Variants in NOL10 observed in about 807,000 individuals in gnomAD.
The protein encoded by NOL10 is nucleolar protein 10.
A neutral mutation model predicts 103.5 loss-of-function variants in NOL10; 58 were observed. That is an observed-to-expected ratio of 0.56 (90% CI 0.45 to 0.70). The LOEUF (loss-of-function observed/expected upper bound fraction) is 0.70. NOL10 is among the 30% of genes least tolerant of loss of function. The probability of loss-of-function intolerance (pLI) is 0.00; values close to 1 mark genes in which losing one functional copy is unlikely to be tolerated. For synonymous variants in NOL10, 287 were observed against 282.5 expected, an observed-to-expected ratio of 1.02 and a Z score of -0.16; for missense variants, 763 against 807.3, an observed-to-expected ratio of 0.95 and a Z score of 0.67.
chr2:10,637,748 G>A (rs942969356), intron 13 of NOL10, among the ~76,000 whole-genome samples: 1 of 152,198 alleles, frequency 6.6e-6, no homozygotes, highest in East Asian at 1.9e-4. Context: ...CGAAGACAGA[G>A]TTTTGTGGGT....
intron 3 of NOL10, among the ~76,000 whole-genome samples, chr2:10,677,090 C>T (rs879899549): frequency 2.0e-5 from 3 of 151,904 alleles, no homozygotes; most frequent in African/African-American, 7.3e-5. Flanking sequence ...AGGTGCCTGC[C>T]GCCACATCTG....
intron 14 of NOL10, among the ~76,000 whole-genome samples, chr2:10,603,689 A>C (rs1240919223): frequency 2.6e-5 from 4 of 152,216 alleles, no homozygotes; most frequent in African/African-American, 9.6e-5. Context: ...TGCACTCCTC[A>C]TCAGGGACTA....
chr2:10,685,649 C>T (rs1682145133), intron 1 of NOL10, among the ~76,000 whole-genome samples: 1 of 151,962 alleles, frequency 6.6e-6, no homozygotes, highest in Admixed American at 6.6e-5. Context: ...ATCGTAGCCC[C>T]AAGTCAAAAG....
At chr2:10,604,251 T>C (rs1221740347) in intron 14 of NOL10, among the ~76,000 whole-genome samples, 1 of 152,144 alleles carries the variant, frequency 6.6e-6, no homozygotes, top group African/African-American at 2.4e-5. Flanking sequence ...GGCCCAGGGG[T>C]TGGGGACCCC....
chr2:10,659,250 C>T lies in NOL10; in HGVS notation c.678G>A (p.Glu226=). ...CAGAGATTGTTGGTAAACTGTTTATCCTGAAAAGCAAAATATTCATGCTTC... is the reference window on the plus strand; with the variant it reads ...CAGAGATTGTTGGTAAACTGTTTATTCTGAAAAGCAAAATATTCATGCTTC... The part of the protein sequence containing the change: ...CALNSVTADS[E]INSLPTISAL... Residue 226 remains glutamate, a splice_region_variant and synonymous_variant, in exon 10 of 21, where the codon GAG becomes GAA. Transcript: ENST00000381685. The T allele has an allele frequency of 6.4e-7, 1 of 1,570,550 alleles. No homozygotes were observed. Among genetic ancestry groups the T allele is most frequent in the Middle Eastern group, 1.7e-4 (1 of 5,950 alleles).
chr2:10,587,056 C>CAT lies in NOL10; in HGVS notation c.1844+1985_1844+1986dup, dbSNP rs200196813. On this transcript the variant is annotated intron_variant, in intron 19 of 20. Coordinates refer to ENST00000381685, the MANE Select transcript of NOL10 (RefSeq NM_024894.4). ...AAAAAGTTAAATGTATATATATATA[C>CAT]ATATATATATACATATATATACATA... Among the ~76,000 whole-genome samples the CAT allele has an allele frequency of 3.5e-4, 19 of 54,668 alleles. 6 individuals are homozygous for CAT. Among genetic ancestry groups the CAT allele is most frequent in the African/African-American group, 9.1e-4 (10 of 10,946 alleles). 35.9% of individuals were successfully genotyped at this position (54,668 alleles called of 152,430 possible). A position where few individuals can be genotyped will look rare whatever the true frequency, so the allele number is the denominator to read the frequency against.
chr2:10,617,983 C>T (rs559831524), intron 13 of NOL10, among the ~76,000 whole-genome samples: 68 of 150,702 alleles, frequency 4.5e-4, no homozygotes, highest in South Asian at 1.9e-3. Flanking sequence ...TGTGACACAA[C>T]GTCATGGAAT....
chr2:10,607,172 A>ATTT lies in NOL10; in HGVS notation c.1153+10_1153+12dup. 7.4e-7 allele frequency: 1 copy of ATTT among 1,351,566 alleles called. No individual in the cohort carries two copies. Among genetic ancestry groups the ATTT allele is most frequent in the South Asian group, 1.4e-5 (1 of 69,658 alleles). The allele number at this position is 1,351,566 out of a possible 1,614,324, so 83.7% of individuals were successfully genotyped here. The stretch of plus-strand genomic sequence containing the variant: ...AGTAATTACATAATATTTCATCACA[A>ATTT]TTTTTTTTTTACCTAAATTTTCAAG... On this transcript the variant is annotated intron_variant, in intron 14 of 20. Transcript: ENST00000381685.
At chr2:10,596,817 T>G (rs1167550796) in intron 17 of NOL10, among the ~76,000 whole-genome samples, 1 of 152,058 alleles carries the variant, frequency 6.6e-6, no homozygotes, top group Non-Finnish European at 1.5e-5. Flanking sequence ...CAAAAAAGAC[T>G]AACATACAAA....
At position 10,671,514 on chromosome 2, in the gene NOL10, T is replaced by A. The variant is rs371604535; in HGVS notation, c.464+40A>T. 9.0e-6 allele frequency: 13 copies of A among 1,449,470 alleles called. No homozygotes were observed. The African/African-American group carries it at 1.5e-4, about 16-fold the overall frequency. The allele number at this position is 1,449,470 out of a possible 1,614,324, so 89.8% of individuals were successfully genotyped here. On this transcript the variant is annotated intron_variant, in intron 6 of 20. Coordinates refer to ENST00000381685, the MANE Select transcript of NOL10 (RefSeq NM_024894.4). The stretch of plus-strand genomic sequence containing the variant: ...AATTTAGGAACAGAAGTTGGTTGTT[T>A]TAGGAGGTGAAAAGGAGAAAAAGGG...
intron 6 of NOL10, 141 bp downstream of exon 6, chr2:10,671,409 CTTTT>C (rs5829273): frequency 1.8e-3 from 817 of 456,862 alleles, no homozygotes; most frequent in South Asian, 2.1e-3. Flanking sequence ...GTTTTCTTTT[CTTTT>C]TTTTTTTTTT....
intron 19 of NOL10, among the ~76,000 whole-genome samples, chr2:10,578,202 C>T (rs1475375093): frequency 6.6e-6 from 1 of 152,176 alleles, no homozygotes; most frequent in Non-Finnish European, 1.5e-5. Flanking sequence ...CAAATTAAGT[C>T]CTCCAGGTCA....
chr2:10,576,850 G>A (rs916433665), intron 20 of NOL10, among the ~76,000 whole-genome samples: 2 of 152,048 alleles, frequency 1.3e-5, no homozygotes, highest in Admixed American at 6.6e-5. Flanking sequence ...TTAAAAGGAT[G>A]CATATGGTCT....
Position 10,689,930 on chromosome 2 carries a change from G to A in NOL10, c.-69C>T, listed in dbSNP as rs1682519999. ...GCGTGCTCGAGCACCGTAATCCCGG[G>A]ACCTCCGAGCCCCTGCTCCGCGGCG... is the stretch of plus-strand genomic sequence containing the variant. On this transcript the variant is annotated 5_prime_UTR_variant, in exon 1 of 21. Coordinates refer to ENST00000381685, the MANE Select transcript of NOL10 (RefSeq NM_024894.4). 17 of 1,457,594 alleles carry A rather than the reference G, an allele frequency of 1.2e-5. No homozygotes were observed. The highest frequency in any genetic ancestry group is 4.2e-5 in the African/African-American group (3 of 71,204). 90.3% of individuals were successfully genotyped at this position (1,457,594 alleles called of 1,614,324 possible). A position where few individuals can be genotyped will look rare whatever the true frequency, so the allele number is the denominator to read the frequency against.
rs1558270858 is a variant in NOL10 at position 10,587,238 on chromosome 2, T to TACATATATATATATACACATATATATAC, written c.1844+1804_1844+1805insGTATATATATGTGTATATATATATATGT. Among the ~76,000 whole-genome samples the TACATATATATATATACACATATATATAC allele has an allele frequency of 4.2e-5, 2 of 47,642 alleles. 1 individual carries two copies. The highest frequency in any genetic ancestry group is 1.0e-3 in the East Asian group (2 of 1,992). 31.3% of individuals were successfully genotyped at this position (47,642 alleles called of 152,430 possible). ...ATATACATATATATACATATATATATACATACATATATATATATACACATA... is the reference window on the plus strand; with the variant it reads ...ATATACATATATATACATATATATATACATATATATATATACACATATATATACACATACATATATATATATACACATA... On this transcript the variant is annotated intron_variant, in intron 19 of 20. Transcript: ENST00000381685.
Position 10,577,619 on chromosome 2 carries a change from A to G in NOL10, c.1947+17T>C, listed in dbSNP as rs199612731. The G allele has an allele frequency of 1.4e-4, 226 of 1,569,430 alleles. 1 individual carries two copies. In the Middle Eastern group the frequency reaches 3.5e-3, roughly 24 times the overall value. ...TTTCTTTTGTGAATTAAAAAATAAC[A>G]ATAAAAGACAACTCACCCTCTTTAA... On this transcript the variant is annotated intron_variant, in intron 20 of 20. Coordinates refer to ENST00000381685, the MANE Select transcript of NOL10 (RefSeq NM_024894.4).
At chr2:10,652,413 AG>A (rs1234819743) in intron 12 of NOL10, among the ~76,000 whole-genome samples, 4 of 151,938 alleles carry the variant, frequency 2.6e-5, no homozygotes, top group Admixed American at 6.6e-5. Context: ...GAAAGAAAAA[AG>A]AAAAAAAAAA....
rs201341163 is a variant in NOL10, at chr2:10,589,274, G to A, written c.1613C>T (p.Pro538Leu). Residue 538 changes from proline (P) to leucine (L), a missense_variant, in exon 19 of 21, where the codon CCG becomes CTG. Physicochemically the swap from Pro to Leu is moderately conservative, Grantham distance 98 (BLOSUM62 -3). Coordinates refer to ENST00000381685, the MANE Select transcript of NOL10 (RefSeq NM_024894.4). ...ELREKEEEEE[P>L]EGKPSDAESS... Reference sequence around the variant, plus strand: ...TTCTGCATCACTTGGTTTTCCTTCCGGCTCTTCCTCCTCTTCCTGAGAATA... The same window carrying A: ...TTCTGCATCACTTGGTTTTCCTTCCAGCTCTTCCTCCTCTTCCTGAGAATA... The A allele has an allele frequency of 1.2e-5, 19 of 1,613,268 alleles. No homozygotes were observed. The highest frequency in any genetic ancestry group is 3.3e-5 in the Admixed American group (2 of 59,960).
chr2:10,648,521 G>A (rs549683090), intron 12 of NOL10, among the ~76,000 whole-genome samples: 45 of 152,242 alleles, frequency 3.0e-4, no homozygotes, highest in Non-Finnish European at 5.6e-4. Flanking sequence ...GATAGTAACA[G>A]TCATTCCTTT....
Sources: gnomAD v4.1 joint callset for allele counts (sites outside exome capture counted in the v4.1 genomes callset) on GRCh38, gnomAD v4.1.1 for gene constraint, MANE v1.5 for transcripts, NCBI Gene and HGNC (gene_info 2026-07-23, HGNC 2026-07-21) for gene names.